The following TRMT44 variants were observed in gnomAD, a reference collection of about 807,000 sequenced individuals.
TRMT44 encodes probable tRNA (uracil-O(2)-)-methyltransferase.
A neutral mutation model predicts 77.3 loss-of-function variants in TRMT44; 78 were observed. The observed-to-expected ratio is 1.01, with a 90% CI of 0.84 to 1.22. TRMT44 has a LOEUF of 1.22. TRMT44 is among the 50% of genes most tolerant of loss of function. The pLI is 0.00. For missense variants in TRMT44, 1,090 were observed against 964.4 expected (o/e 1.13, Z -1.73); for synonymous variants, 391 against 383.3 (o/e 1.02, Z -0.23).
chr4:8,509,215 G>C, the TRMT44 span: 1 of 151,920 alleles, frequency 6.6e-6, no homozygotes, highest in East Asian at 1.9e-4. Flanking sequence ...GGAGGGAAAA[G>C]GGAGTGGGGT....
intron 9 of TRMT44, among the ~76,000 whole-genome samples, chr4:8,470,690 G>C (rs983412426): frequency 6.6e-6 from 1 of 152,206 alleles, no homozygotes; most frequent in Admixed American, 6.5e-5. Flanking sequence ...CACTGGGAAG[G>C]CTCAGGCCCC....
At chr4:8,447,495 A>G (rs1384722790) in intron 2 of TRMT44, among the ~76,000 whole-genome samples, 1 of 152,106 alleles carries the variant, frequency 6.6e-6, no homozygotes. Context: ...GGCTTCCTAG[A>G]AAGCAGAGGG....
intron 2 of TRMT44, among the ~76,000 whole-genome samples, chr4:8,490,468 G>A (rs975347979): frequency 6.6e-5 from 10 of 151,716 alleles, no homozygotes; most frequent in East Asian, 1.9e-4. Context: ...AAGGCAGCGC[G>A]TCTGGAGTTG....
chr4:8,494,355 G>A (rs909457469), downstream of TRMT44, among the ~76,000 whole-genome samples: 1 of 152,114 alleles, frequency 6.6e-6, no homozygotes, highest in African/African-American at 2.4e-5. Flanking sequence ...ACAGGACAAA[G>A]GACAGAGCTC....
At chr4:8,467,878 C>A in intron 8 of TRMT44, 36 bp from the exon 9 acceptor site, 1 of 1,550,998 alleles carries the variant, frequency 6.4e-7, no homozygotes, top group Non-Finnish European at 8.7e-7. Flanking sequence ...ATAGACTAGC[C>A]AGCTAAAATA....
Position 8,452,999 on chromosome 4 carries a change from G to T in TRMT44, c.1131+10G>T. 1 of 1,462,542 alleles carries T rather than the reference G, an allele frequency of 6.8e-7. No homozygotes were observed. The allele number at this position is 1,462,542 out of a possible 1,614,324, so 90.6% of individuals were successfully genotyped here. On this transcript the variant is annotated intron_variant, in intron 5 of 10. Transcript: ENST00000389737. This position sits in a 1 kb window ranked among gnomAD's most constrained non-coding sequence, Gnocchi z 5.7. ...CCTGAGCAGTGAGGGGGTAAGGCCC[G>T]GCTCCATCACCTTTTCTGGTAACTT...
intron 10 of TRMT44, among the ~76,000 whole-genome samples, chr4:8,471,887 T>C (rs940133): frequency 0.75 from 114,802 of 152,194 alleles, 43,708 homozygotes; most frequent in South Asian, 0.85. Flanking sequence ...CAGGTGCCAG[T>C]GGTGTACACA....
At chr4:8,504,357 GC>G in the TRMT44 span, among the ~76,000 whole-genome samples, 1 of 151,964 alleles carries the variant, frequency 6.6e-6, no homozygotes, top group South Asian at 2.1e-4. This position sits in a 1 kb window ranked among gnomAD's most constrained non-coding sequence, Gnocchi z 5.3. Flanking sequence ...AGGTACCCGC[GC>G]CAGCTTTACT....
At chr4:8,481,727 G>T (rs1490305341) in intron 2 of TRMT44, among the ~76,000 whole-genome samples, 3 of 152,198 alleles carry the variant, frequency 2.0e-5, no homozygotes, top group Admixed American at 6.5e-5. Flanking sequence ...CCTAGGCTAG[G>T]CCTACACAGA....
intron 9 of TRMT44, among the ~76,000 whole-genome samples, chr4:8,470,374 G>T (rs1015257066): frequency 6.6e-6 from 1 of 152,228 alleles, no homozygotes; most frequent in African/African-American, 2.4e-5. Context: ...CCTGCAGCTT[G>T]GGAGGGTGTG....
intron 7 of TRMT44, among the ~76,000 whole-genome samples, chr4:8,465,147 T>C (rs1240194691): frequency 6.6e-6 from 1 of 152,116 alleles, no homozygotes; most frequent in Non-Finnish European, 1.5e-5. Flanking sequence ...GGGTCTGTCT[T>C]ACCCCAAACC....
At chr4:8,465,658 C>T in intron 8 of TRMT44, 97 bp downstream of exon 8, 1 of 1,128,916 alleles carries the variant, frequency 8.9e-7, no homozygotes, top group Non-Finnish European at 1.3e-6. Flanking sequence ...CTGTAACGTT[C>T]AAAATGTTCT....
At chr4:8,493,748 T>G (rs900738859), downstream of TRMT44, among the ~76,000 whole-genome samples, 1 of 152,012 alleles carries the variant, frequency 6.6e-6, no homozygotes, top group South Asian at 2.1e-4. Context: ...ATTGGTCGCC[T>G]TGCTTTCACA....
intron 2 of TRMT44, among the ~76,000 whole-genome samples, chr4:8,481,766 ACCT>A (rs1316663661): frequency 6.6e-6 from 1 of 152,136 alleles, no homozygotes; most frequent in Non-Finnish European, 1.5e-5. Flanking sequence ...ACTGTCTCCC[ACCT>A]CCTCGTCTTG....
downstream of TRMT44, chr4:8,476,930 G>A (rs370417262): frequency 2.3e-4 from 35 of 152,132 alleles, no homozygotes; most frequent in African/African-American, 7.7e-4. Flanking sequence ...TTTTAGAGGC[G>A]GGGTCTCGCT....
the TRMT44 span, among the ~76,000 whole-genome samples, chr4:8,502,862 T>G: frequency 6.6e-6 from 1 of 152,144 alleles, no homozygotes; most frequent in African/African-American, 2.4e-5. Context: ...TGCCAGGAGG[T>G]GGGGAACATG....
chr4:8,466,465 C>T (rs894729835), intron 8 of TRMT44, among the ~76,000 whole-genome samples: 2 of 152,246 alleles, frequency 1.3e-5, no homozygotes, highest in Non-Finnish European at 2.9e-5. Context: ...TGGCCGGCTG[C>T]CGTCATAGCC....
At chr4:8,483,347 T>A (rs1481424892) in intron 2 of TRMT44, among the ~76,000 whole-genome samples, 2 of 151,970 alleles carry the variant, frequency 1.3e-5, no homozygotes, top group Admixed American at 1.3e-4. Flanking sequence ...GAGCAGGGCA[T>A]GTATGAGTAG....
chr4:8,500,086 TG>T, the TRMT44 span, among the ~76,000 whole-genome samples: 1 of 151,648 alleles, frequency 6.6e-6, no homozygotes, highest in African/African-American at 2.4e-5. Flanking sequence ...AAAAATTAGC[TG>T]GGAGTGGTGG....
Sources: allele counts gnomAD v4.1 joint callset (sites outside exome capture counted in the v4.1 genomes callset), GRCh38; gene constraint gnomAD v4.1.1; non-coding constraint Gnocchi (gnomAD v3.1); transcripts MANE v1.5; gene names NCBI Gene and HGNC (gene_info 2026-07-23, HGNC 2026-07-21).